Variants in DAB1 observed in about 807,000 individuals in gnomAD.
The protein encoded by DAB1 is DAB adaptor protein 1.
A neutral mutation model predicts 64.6 loss-of-function variants in DAB1; 15 were observed. The ratio of observed to expected loss-of-function variants is 0.23; its 90% CI spans 0.16 to 0.36. The LOEUF (loss-of-function observed/expected upper bound fraction) is 0.36. Among genes scored for constraint, DAB1 ranks in the 10% least tolerant of loss-of-function variants. DAB1 has a pLI of 1.00. For missense variants in DAB1, 596 were observed against 706.7 expected (o/e 0.84, Z 1.78); for synonymous variants, 235 against 251.9 (o/e 0.93, Z 0.64).
At chr1:58,489,940 G>A (rs1298990999) in intron 3 of DAB1, among the ~76,000 whole-genome samples, 1 of 152,188 alleles carries the variant, frequency 6.6e-6, no homozygotes, top group Non-Finnish European at 1.5e-5. Flanking sequence ...AACCCCATCT[G>A]TACGTCACCA....
intron 5 of DAB1, among the ~76,000 whole-genome samples, chr1:58,082,386 G>A (rs1255415949): frequency 1.3e-5 from 2 of 150,826 alleles, no homozygotes; most frequent in Non-Finnish European, 1.5e-5. Flanking sequence ...TTATTACAGA[G>A]CATTGGAGAA....
chr1:58,174,869 G>C (rs1408912982), intron 4 of DAB1, among the ~76,000 whole-genome samples: 8 of 152,086 alleles, frequency 5.3e-5, no homozygotes, highest in Non-Finnish European at 1.5e-5. Context: ...TCAGTGCTCT[G>C]TGTCTAGCTA....
chr1:57,653,353 AT>A (rs1646278333), intron 6 of DAB1, among the ~76,000 whole-genome samples: 1 of 152,308 alleles, frequency 6.6e-6, no homozygotes, highest in African/African-American at 2.4e-5. Context: ...GTAGGTATCC[AT>A]TTAAAGCCTA....
intron 5 of DAB1, among the ~76,000 whole-genome samples, chr1:58,047,153 T>G (rs551426462): frequency 1.3e-5 from 2 of 151,232 alleles, no homozygotes; most frequent in African/African-American, 4.9e-5. Flanking sequence ...TGTCAAGCAG[T>G]TTCACCCAAA....
intron 4 of DAB1, among the ~76,000 whole-genome samples, chr1:58,337,001 G>A (rs1663133394): frequency 6.6e-6 from 1 of 152,084 alleles, no homozygotes; most frequent in South Asian, 2.1e-4. Flanking sequence ...CTCAAGCAAA[G>A]GCCGGGTGCG....
intron 6 of DAB1, among the ~76,000 whole-genome samples, chr1:57,745,692 A>T (rs912480163): frequency 1.3e-5 from 2 of 152,222 alleles, no homozygotes; most frequent in African/African-American, 2.4e-5. Context: ...TCCCGAATCA[A>T]CTGCCAGTAA....
intron 5 of DAB1, chr1:58,048,516 A>G: frequency 7.6e-7 from 1 of 1,317,862 alleles, no homozygotes; most frequent in East Asian, 2.3e-5. Flanking sequence ...CCTCCAGAGT[A>G]ACCAGGGCCA....
intron 5 of DAB1, among the ~76,000 whole-genome samples, chr1:58,061,297 G>A (rs1411038027): frequency 3.9e-5 from 6 of 152,176 alleles, no homozygotes; most frequent in Admixed American, 6.5e-5. Flanking sequence ...CAAACCGGGC[G>A]ACTTCAACAA....
intron 4 of DAB1, among the ~76,000 whole-genome samples, chr1:57,089,991 A>C (rs1011261838): frequency 2.6e-5 from 4 of 152,182 alleles, no homozygotes; most frequent in Non-Finnish European, 4.4e-5. Flanking sequence ...GACACCCAGC[A>C]TGGGGCAACA....
At chr1:58,162,221 G>T (rs116477312) in intron 4 of DAB1, among the ~76,000 whole-genome samples, 1,657 of 152,268 alleles carry the variant, frequency 0.011, 32 homozygotes, top group African/African-American at 0.038. Context: ...AAAGGACAGT[G>T]CTATACGAGA....
chr1:58,211,989 C>T (rs1658575091), intron 4 of DAB1, among the ~76,000 whole-genome samples: 1 of 152,144 alleles, frequency 6.6e-6, no homozygotes, highest in African/African-American at 2.4e-5. Flanking sequence ...TAGCTGTGAT[C>T]CCCTGCTCCC....
intron 7 of DAB1, among the ~76,000 whole-genome samples, chr1:57,451,858 C>T (rs1051563577): frequency 3.9e-5 from 6 of 152,110 alleles, no homozygotes; most frequent in Non-Finnish European, 8.8e-5. Flanking sequence ...TTTACCTTGG[C>T]ATCTCATCAT....
chr1:57,455,767 GGAATAAAGA>G (rs1483644251), intron 7 of DAB1, among the ~76,000 whole-genome samples: 1 of 152,052 alleles, frequency 6.6e-6, no homozygotes, highest in African/African-American at 2.4e-5. Flanking sequence ...TGTTGAACAT[GGAATAAAGA>G]GAAAAGACCC....
intron 3 of DAB1, among the ~76,000 whole-genome samples, chr1:58,433,023 G>A (rs913827935): frequency 5.9e-5 from 9 of 152,256 alleles, no homozygotes; most frequent in South Asian, 2.1e-4. Context: ...ACCCGGAGGC[G>A]AGTGCCTGTG....
intron 14 of DAB1, among the ~76,000 whole-genome samples, chr1:57,005,888 AT>A (rs1646048800): frequency 6.6e-6 from 1 of 152,202 alleles, no homozygotes; most frequent in Non-Finnish European, 1.5e-5. Context: ...GATGCTAGTA[AT>A]TTTAAAATAT....
chr1:57,175,171 A>G (rs1662170479), intron 2 of DAB1, among the ~76,000 whole-genome samples: 1 of 152,168 alleles, frequency 6.6e-6, no homozygotes, highest in South Asian at 2.1e-4. Context: ...CAGCACTCCA[A>G]TTAGCAAACT....
At chr1:57,421,781 T>A (rs1470087940) in intron 1 of DAB1, among the ~76,000 whole-genome samples, 1 of 151,886 alleles carries the variant, frequency 6.6e-6, no homozygotes, top group Non-Finnish European at 1.5e-5. Context: ...AAGTTGACTT[T>A]TATACAGCTT....
chr1:57,871,277 T>G (rs1569889095), intron 1 of DAB1, among the ~76,000 whole-genome samples: 1 of 90,944 alleles, frequency 1.1e-5, no homozygotes, highest in African/African-American at 3.0e-5. Context: ...GGTATAACTA[T>G]CTAAGAGGTA....
chr1:57,889,901 G>A (rs548485063), intron 5 of DAB1, among the ~76,000 whole-genome samples: 4 of 72,580 alleles, frequency 5.5e-5, no homozygotes, highest in African/African-American at 8.4e-5. Flanking sequence ...AACTGGGGCG[G>A]GGGGGGGGGA....
Sources: allele counts gnomAD v4.1 joint callset (sites outside exome capture counted in the v4.1 genomes callset), GRCh38; gene constraint gnomAD v4.1.1; transcripts MANE v1.5; gene names NCBI Gene and HGNC (gene_info 2026-07-23, HGNC 2026-07-21).